Variants in CYP2C18 observed in about 807,000 individuals in gnomAD.
CYP2C18 encodes the protein cytochrome P450 2C18.
Under a neutral mutation model 41.3 loss-of-function variants are expected in CYP2C18, and 38 were observed. The ratio of observed to expected loss-of-function variants is 0.92; its 90% CI spans 0.71 to 1.21. The LOEUF is 1.21. Ranked by LOEUF, CYP2C18 falls within the 50% of genes most tolerant of loss-of-function variation. The pLI, the probability that CYP2C18 is intolerant of heterozygous loss-of-function variation, is 0.00. For synonymous variants in CYP2C18, 236 were observed against 210.0 expected, an observed-to-expected ratio of 1.12 and a Z score of -1.07; for missense variants, 635 against 591.4, an observed-to-expected ratio of 1.07 and a Z score of -0.77.
chr10:94,684,748 A>G (rs1846853141), intron 1 of CYP2C18, among the ~76,000 whole-genome samples: 1 of 151,864 alleles, frequency 6.6e-6, no homozygotes, highest in Non-Finnish European at 1.5e-5. Flanking sequence ...TGATAGTTCT[A>G]TTTTTGTTTT....
chr10:94,715,680 G>C (rs932821966), intron 5 of CYP2C18, among the ~76,000 whole-genome samples: 41 of 152,098 alleles, frequency 2.7e-4, no homozygotes, highest in Non-Finnish European at 4.7e-4. Flanking sequence ...TTGGTATTAC[G>C]ATGATGCTGG....
In CYP2C18 at chr10:94,694,908, A is replaced by G. The variant is rs1311269027; in HGVS notation, c.482-9A>G. The G allele has an allele frequency of 1.9e-6, 3 of 1,608,544 alleles. No individual in the cohort carries two copies. The highest frequency in any genetic ancestry group is 2.2e-4 in the Middle Eastern group (1 of 4,598). On this transcript the variant is annotated splice_polypyrimidine_tract_variant and intron_variant, in intron 3 of 8. Coordinates refer to ENST00000285979, the MANE Select transcript of CYP2C18 (RefSeq NM_000772.3). ...TTAATGGTAATTTAAAATATTTCCA[A>G]TCCTTTAGCCTCACCCTGTGATCCC...
intron 1 of CYP2C18, among the ~76,000 whole-genome samples, chr10:94,685,366 G>A (rs1846867984): frequency 2.0e-5 from 3 of 152,076 alleles, no homozygotes; most frequent in Admixed American, 2.0e-4. Context: ...TTATTTATTT[G>A]TTATTGAGTA....
chr10:94,724,462 G>T lies in CYP2C18; in HGVS notation c.1078G>T (p.Asp360Tyr), dbSNP rs954984377. The change falls in exon 7 of 9, where the codon GAC (aspartate) becomes TAC (tyrosine). Residue 360 changes from aspartate to tyrosine, a missense_variant. Physicochemically the swap from Asp to Tyr is radical, Grantham distance 160. Coordinates refer to ENST00000285979, the MANE Select transcript of CYP2C18 (RefSeq NM_000772.3). ...GGTGCACGAGATCCAGAGATACATT[G>T]ACCTCCTCCCCACCAACCTGCCCCA... is the stretch of plus-strand genomic sequence containing the variant. Reference protein sequence around the residue: ...AVVHEIQRYIDLLPTNLPHAV... With the variant: ...AVVHEIQRYIYLLPTNLPHAV... 3 of 1,613,366 alleles carry T rather than the reference G, an allele frequency of 1.9e-6. No homozygotes were observed. In the African/African-American group the frequency reaches 4.0e-5, roughly 22 times the overall value.
intron 4 of CYP2C18, among the ~76,000 whole-genome samples, chr10:94,699,799 G>T (rs1292067519): frequency 6.6e-6 from 1 of 152,158 alleles, no homozygotes; most frequent in Non-Finnish European, 1.5e-5. Flanking sequence ...CAAAATAAAT[G>T]TGCAAAATTC....
intron 4 of CYP2C18, among the ~76,000 whole-genome samples, chr10:94,700,163 TTG>T (rs1847208145): frequency 3.3e-5 from 5 of 152,210 alleles, no homozygotes; most frequent in African/African-American, 7.2e-5. Flanking sequence ...AGAGCCCGCA[TTG>T]CCAAGTCAAT....
At chr10:94,691,588 G>A (rs930628024) in intron 3 of CYP2C18, among the ~76,000 whole-genome samples, 11 of 152,100 alleles carry the variant, frequency 7.2e-5, no homozygotes, top group African/African-American at 2.7e-4. Flanking sequence ...CATGAAAATG[G>A]CCATACCACC....
chr10:94,706,992 G>A (rs1181194771), intron 5 of CYP2C18, 32 bp downstream of exon 5: 1 of 1,583,460 alleles, frequency 6.3e-7, no homozygotes, highest in Non-Finnish European at 8.6e-7. Context: ...TGCATCTTGT[G>A]GTTCATTGAT....
At position 94,733,189 on chromosome 10, in the gene CYP2C18, T is replaced by G. The variant is rs1222880953; in HGVS notation, c.1150-108T>G. On this transcript the variant is annotated intron_variant, in intron 7 of 8. Transcript: ENST00000285979. ...GGTGGGAATGTAACTTCTTTGGACC[T>G]CAATTTTCTTATCTATTGATAAAAG... The G allele has an allele frequency of 1.3e-5, 14 of 1,116,842 alleles. No individual in the cohort carries two copies. In the Admixed American group the frequency reaches 2.3e-4, roughly 18 times the overall value. 69.2% of individuals were successfully genotyped at this position (1,116,842 alleles called of 1,614,324 possible). A position where few individuals can be genotyped will look rare whatever the true frequency, so the allele number is the denominator to read the frequency against.
Position 94,702,734 on chromosome 10 carries a change from A to G in CYP2C18, c.643-4050A>G, listed in dbSNP as rs556418849. 2.0e-4 allele frequency among the ~76,000 whole-genome samples: 30 copies of G among 152,140 alleles called. No individual in the cohort carries two copies. In the East Asian group the frequency reaches 5.2e-3, roughly 27 times the overall value. On this transcript the variant is annotated intron_variant, in intron 4 of 8. Coordinates refer to ENST00000285979, the MANE Select transcript of CYP2C18 (RefSeq NM_000772.3). ...ACATCTTCTGAAGCCTACTTCTGTC[A>G]GTTTGTCAAACTCATTCTCCATCCA...
intron 8 of CYP2C18, among the ~76,000 whole-genome samples, chr10:94,734,758 T>C: frequency 6.6e-6 from 1 of 152,168 alleles, no homozygotes; most frequent in East Asian, 1.9e-4. Flanking sequence ...GGTCAAGCCA[T>C]TTGGCCTTTA....
chr10:94,727,376 A>G (rs1847757802), intron 7 of CYP2C18, among the ~76,000 whole-genome samples: 2 of 152,178 alleles, frequency 1.3e-5, no homozygotes. Flanking sequence ...GCTCTTTGGG[A>G]GGCCAAAGTG....
In CYP2C18 at chr10:94,726,531, T is replaced by A. The variant is rs576793024; in HGVS notation, c.1149+1998T>A. Among the ~76,000 whole-genome samples the A allele has an allele frequency of 3.3e-5, 5 of 152,324 alleles. No homozygotes were observed. The South Asian group carries it at 8.3e-4, about 25-fold the overall frequency. ...CAAAGGACATGAAGTCATCATTTTTTATGGTTGCATAGTATTCCATGGTGT... is the reference window on the plus strand; with the variant it reads ...CAAAGGACATGAAGTCATCATTTTTAATGGTTGCATAGTATTCCATGGTGT... On this transcript the variant is annotated intron_variant, in intron 7 of 8. Transcript: ENST00000285979.
intron 7 of CYP2C18, among the ~76,000 whole-genome samples, chr10:94,725,636 G>A (rs1288129622): frequency 5.3e-5 from 8 of 152,018 alleles, no homozygotes; most frequent in Non-Finnish European, 1.2e-4. Context: ...AGAGAAGGTT[G>A]CCTTCTACTT....
chr10:94,691,171 AGGGC>A (rs1846991971), intron 3 of CYP2C18, among the ~76,000 whole-genome samples: 1 of 152,190 alleles, frequency 6.6e-6, no homozygotes, highest in Non-Finnish European at 1.5e-5. Flanking sequence ...AGTTCTGGAC[AGGGC>A]AATCAGGCAG....
At position 94,694,995 on chromosome 10, in the gene CYP2C18, T is replaced by C. The variant is rs766833706; in HGVS notation, c.560T>C (p.Phe187Ser). The C allele has an allele frequency of 3.7e-6, 6 of 1,613,314 alleles. No individual in the cohort carries two copies. Among genetic ancestry groups the C allele is most frequent in the Non-Finnish European group, 5.1e-6 (6 of 1,179,856 alleles). The stretch of plus-strand genomic sequence containing the variant: ...TGCTCTGTTATTTTCCATGATCGAT[T>C]TGATTATAAAGATCAGAGGTTTCTT... ...VICSVIFHDR[F>S]DYKDQRFLNL... The change falls in exon 4 of 9, where the codon TTT (phenylalanine) becomes TCT (serine). Residue 187 changes from phenylalanine to serine, a missense_variant. Coordinates refer to ENST00000285979, the MANE Select transcript of CYP2C18 (RefSeq NM_000772.3).
At chr10:94,691,856 C>G (rs1045984713) in intron 3 of CYP2C18, among the ~76,000 whole-genome samples, 1 of 152,138 alleles carries the variant, frequency 6.6e-6, no homozygotes, top group Admixed American at 6.5e-5. Context: ...ACAGAGCCCT[C>G]AGAAGTAATG....
intron 4 of CYP2C18, among the ~76,000 whole-genome samples, chr10:94,698,887 A>G (rs1469862669): frequency 1.3e-5 from 2 of 152,134 alleles, no homozygotes; most frequent in Admixed American, 6.6e-5. Context: ...AGAAGAAAAG[A>G]ATAAATTCCT....
chr10:94,721,246 C>T (rs139083782), intron 6 of CYP2C18, among the ~76,000 whole-genome samples: 5 of 152,114 alleles, frequency 3.3e-5, no homozygotes, highest in Non-Finnish European at 7.4e-5. Context: ...AACTCCTGAT[C>T]TCAAATGATC....
Sources: allele counts gnomAD v4.1 joint callset (sites outside exome capture counted in the v4.1 genomes callset), GRCh38; gene constraint gnomAD v4.1.1; transcripts MANE v1.5; gene names NCBI Gene and HGNC (gene_info 2026-07-23, HGNC 2026-07-21).